PSG2: variants seen among roughly 807,000 people sequenced by gnomAD.
PSG2 encodes the protein pregnancy specific beta-1-glycoprotein 2.
In PSG2, 49 loss-of-function variants were observed where a neutral mutation model predicts 36.2. That is an observed-to-expected ratio of 1.35 (90% confidence interval 1.08 to 1.72). The LOEUF is 1.72. PSG2 is among the 40% of genes most tolerant of loss of function. The pLI, the probability that PSG2 is intolerant of heterozygous loss-of-function variation, is 0.00. For synonymous variants in PSG2, 261 were observed against 155.6 expected, an observed-to-expected ratio of 1.68 and a Z score of -5.04; for missense variants, 605 against 407.2, an observed-to-expected ratio of 1.49 and a Z score of -4.18.
intron 5 of PSG2, among the ~76,000 whole-genome samples, chr19:43,064,820 T>A (rs1967718027): frequency 6.6e-6 from 1 of 151,748 alleles, no homozygotes; most frequent in Non-Finnish European, 1.5e-5. Flanking sequence ...CATATAATTT[T>A]TAGAATACTC....
rs1414163312 is a variant in PSG2, at chr19:43,066,614, A to C, written c.965-14T>G. On this transcript the variant is annotated splice_polypyrimidine_tract_variant and intron_variant, in intron 4 of 5. Transcript: ENST00000406487. ...TTCTTGTAGAAGCTGTCATGGAAAG[A>C]AAAGTAAAGAAGGAATGAAGGTGAT... 6.3e-7 allele frequency: 1 copy of C among 1,587,372 alleles called. No homozygotes were observed. The highest frequency in any genetic ancestry group is 1.1e-5 in the South Asian group (1 of 90,500).
chr19:43,064,369 G>C lies in PSG2; in HGVS notation c.*273C>G, dbSNP rs758562784. 52 of 304,764 alleles carry C rather than the reference G, an allele frequency of 1.7e-4. 1 individual carries two copies. Among genetic ancestry groups the C allele is most frequent in the Non-Finnish European group, 3.0e-4 (47 of 155,468 alleles). The allele number at this position is 304,764 out of a possible 1,614,324, so 18.9% of individuals were successfully genotyped here. On this transcript the variant is annotated 3_prime_UTR_variant, in exon 6 of 6. Transcript: ENST00000406487. ...TCAAGAAAAAATGTTCATAAATCTG[G>C]AGAATGAAACATTCCAAGAATCAGC...
intron 4 of PSG2, 76 bp from the exon 5 acceptor site, chr19:43,066,676 T>C (rs942319698): frequency 7.0e-7 from 1 of 1,436,050 alleles, no homozygotes; most frequent in Non-Finnish European, 9.8e-7. Flanking sequence ...AACAAGCATG[T>C]AACATGAGGT....
chr19:43,066,913 G>A (rs766514218), intron 4 of PSG2, among the ~76,000 whole-genome samples: 2 of 151,214 alleles, frequency 1.3e-5, no homozygotes, highest in Admixed American at 6.6e-5. Flanking sequence ...ACCTTTTCAT[G>A]GTTGCATCTT....
At chr19:43,066,693 T>C (rs1273011409) in intron 4 of PSG2, 93 bp from the exon 5 acceptor site, 2 of 1,410,068 alleles carry the variant, frequency 1.4e-6, no homozygotes, top group Non-Finnish European at 2.0e-6. Flanking sequence ...AGGTACTCTA[T>C]AATTGTTTCT....
intron 3 of PSG2, among the ~76,000 whole-genome samples, chr19:43,074,899 C>A (rs1345448454): frequency 6.9e-6 from 1 of 145,758 alleles, no homozygotes; most frequent in Non-Finnish European, 1.5e-5. Flanking sequence ...AGCTTGGGGA[C>A]TTCCCTTGTA....
Position 43,071,859 on chromosome 19 carries a change from C to G in PSG2, c.805G>C (p.Ala269Pro). ...CCATTAATTGTCCAAGAATACTGTG[C>G]CGGTGGGTTAGAGTTCGCGAAGCAA... is the stretch of plus-strand genomic sequence containing the variant. Reference protein sequence around the residue: ...LSCFANSNPPAQYSWTINGKF... With the variant: ...LSCFANSNPPPQYSWTINGKF... Residue 269 changes from alanine (A) to proline (P), a missense_variant, in exon 4 of 6, where the codon GCA becomes CCA. Transcript: ENST00000406487. 6.2e-7 allele frequency: 1 copy of G among 1,613,100 alleles called. No homozygotes were observed. The highest frequency in any genetic ancestry group is 8.5e-7 in the Non-Finnish European group (1 of 1,179,596).
At chr19:43,071,179 G>C (rs777781135) in intron 4 of PSG2, among the ~76,000 whole-genome samples, 10 of 151,516 alleles carry the variant, frequency 6.6e-5, no homozygotes, top group Non-Finnish European at 1.3e-4. Context: ...TCCCACCCCA[G>C]GTGGAGTCAA....
At chr19:43,077,719 T>C (rs2122913467) in intron 2 of PSG2, among the ~76,000 whole-genome samples, 1 of 151,868 alleles carries the variant, frequency 6.6e-6, no homozygotes, top group African/African-American at 2.4e-5. Context: ...TTTGTATTTG[T>C]CCCACAACTA....
chr19:43,065,823 G>C (rs183528714), intron 5 of PSG2: 1 of 151,860 alleles, frequency 6.6e-6, no homozygotes, highest in Admixed American at 6.6e-5. Context: ...TTCTCCACGA[G>C]GTCACATGTT....
At position 43,066,568 on chromosome 19, in the gene PSG2, T is replaced by G. The variant is rs776015294; in HGVS notation, c.997A>C (p.Asn333His). Residue 333 changes from asparagine (N) to histidine (H), a missense_variant, in exon 5 of 6, where the codon AAT (asparagine) becomes CAT (histidine). Coordinates refer to ENST00000406487, the MANE Select transcript of PSG2 (RefSeq NM_031246.4). ...STRIGLLPLL[N>H]PT Reference sequence around the variant, plus strand: ...TGACATCACAGCTGCTATGTTGGATTAAGGAGAGGAAGAAGTCCTATTCTT... The same window carrying G: ...TGACATCACAGCTGCTATGTTGGATGAAGGAGAGGAAGAAGTCCTATTCTT... 2.5e-6 allele frequency: 4 copies of G among 1,600,910 alleles called. No homozygotes were observed. In the South Asian group the frequency reaches 4.4e-5, roughly 18 times the overall value.
chr19:43,078,596 C>T (rs1173981963), intron 2 of PSG2, among the ~76,000 whole-genome samples: 3 of 151,576 alleles, frequency 2.0e-5, no homozygotes, highest in African/African-American at 2.4e-5. Flanking sequence ...TCCCTCCGCC[C>T]GCATGATTCC....
rs761048790 is a variant in PSG2, at chr19:43,071,875, C to T, written c.789G>A (p.Ala263=). Residue 263 remains alanine, a synonymous_variant, in exon 4 of 6, where the codon GCG becomes GCA. Coordinates refer to ENST00000406487, the MANE Select transcript of PSG2 (RefSeq NM_031246.4). ...SGDNLYLSCF[A]NSNPPAQYSW... Reference sequence around the variant, plus strand: ...AATACTGTGCCGGTGGGTTAGAGTTCGCGAAGCAAGACAAGTAGAGGTTAT... The same window carrying T: ...AATACTGTGCCGGTGGGTTAGAGTTTGCGAAGCAAGACAAGTAGAGGTTAT... 3.2e-5 allele frequency: 52 copies of T among 1,612,866 alleles called. 1 individual carries two copies. Among genetic ancestry groups the T allele is most frequent in the Admixed American group, 1.0e-4 (6 of 59,930 alleles).
chr19:43,072,527 T>A, intron 3 of PSG2: 1 of 1,611,226 alleles, frequency 6.2e-7, no homozygotes, highest in South Asian at 1.1e-5. Flanking sequence ...CCACCAAATG[T>A]AGGTGTAGCT....
intron 3 of PSG2, among the ~76,000 whole-genome samples, chr19:43,072,942 G>T (rs1268397217): frequency 6.6e-6 from 1 of 151,718 alleles, no homozygotes; most frequent in Non-Finnish European, 1.5e-5. Flanking sequence ...TCAGTTGACT[G>T]GCTGGCTCAC....
At chr19:43,072,203 C>A (rs1967829048) in intron 3 of PSG2, 5 of 1,423,210 alleles carry the variant, frequency 3.5e-6, no homozygotes, top group Non-Finnish European at 9.5e-7. Flanking sequence ...TGTGCCTACC[C>A]AGGTTTTCCC....
chr19:43,078,910 C>A (rs985790252), intron 2 of PSG2, among the ~76,000 whole-genome samples: 1 of 151,478 alleles, frequency 6.6e-6, no homozygotes, highest in African/African-American at 2.4e-5. Flanking sequence ...AGGGGAAGAG[C>A]CCTTGATGGG....
chr19:43,073,858 T>A (rs1452802417), intron 3 of PSG2, among the ~76,000 whole-genome samples: 6 of 151,776 alleles, frequency 4.0e-5, no homozygotes, highest in Non-Finnish European at 8.8e-5. Flanking sequence ...GAAATATTTG[T>A]CATATACTTA....
intron 4 of PSG2, among the ~76,000 whole-genome samples, 193 bp from the exon 5 acceptor site, chr19:43,066,793 G>T (rs1967745928): frequency 6.6e-6 from 1 of 151,500 alleles, no homozygotes; most frequent in African/African-American, 2.4e-5. Context: ...GTCTCGGTTG[G>T]TGATCAGTCC....
Sources: allele counts gnomAD v4.1 joint callset (sites outside exome capture counted in the v4.1 genomes callset), GRCh38; gene constraint gnomAD v4.1.1; transcripts MANE v1.5; gene names NCBI Gene and HGNC (gene_info 2026-07-23, HGNC 2026-07-21).